The following NUFIP1 variants were observed in gnomAD, a reference collection of about 807,000 sequenced individuals.
NUFIP1 encodes the protein FMR1-interacting protein NUFIP1.
A neutral mutation model predicts 56.2 loss-of-function variants in NUFIP1; 38 were observed. The ratio of observed to expected loss-of-function variants is 0.68; its 90% CI spans 0.52 to 0.89. The LOEUF is 0.89. Among genes scored for constraint, NUFIP1 ranks in the 40% least tolerant of loss-of-function variants. NUFIP1 has a pLI of 0.00. For missense variants in NUFIP1, 567 were observed against 605.8 expected, an observed-to-expected ratio of 0.94 and a Z score of 0.67; for synonymous variants, 215 against 212.4, an observed-to-expected ratio of 1.01 and a Z score of -0.10.
Position 44,950,825 on chromosome 13 carries a change from C to T in NUFIP1, c.1022-987G>A, listed in dbSNP as rs141215410. ...TTACATTTCTTTTTGGCAGCTCTAACAATCTAGTAACTCTATTCTAGACAA... is the reference window on the plus strand; with the variant it reads ...TTACATTTCTTTTTGGCAGCTCTAATAATCTAGTAACTCTATTCTAGACAA... On this transcript the variant is annotated intron_variant, in intron 7 of 9. Transcript: ENST00000379161. Among the ~76,000 whole-genome samples, 432 of 152,298 alleles carry T rather than the reference C, an allele frequency of 2.8e-3. 3 individuals are homozygous for T. The South Asian group carries it at 0.03, about 11-fold the overall frequency.
intron 1 of NUFIP1, among the ~76,000 whole-genome samples, chr13:44,984,242 T>C (rs1488354569): frequency 1.3e-5 from 2 of 152,226 alleles, no homozygotes; most frequent in Non-Finnish European, 2.9e-5. Context: ...AAATCAGCTA[T>C]TATATGCCTC....
Position 44,979,214 on chromosome 13 carries a change from G to A in NUFIP1, c.710C>T (p.Ala237Val). ...CTTCCTTCTTTCTTCCCTCCACCGT[G>A]CAATTTCCTCTGGAGTGTCTAACTT... is the stretch of plus-strand genomic sequence containing the variant. ...KIKLDTPEEI[A>V]RWREERRKNY... The change falls in exon 5 of 10, where the codon GCA becomes GTA. Residue 237 changes from alanine to valine, a missense_variant. Physicochemically the swap from Ala to Val is moderately conservative, Grantham distance 64. Transcript: ENST00000379161. 6.2e-7 allele frequency: 1 copy of A among 1,613,258 alleles called. No homozygotes were observed. Among genetic ancestry groups the A allele is most frequent in the Non-Finnish European group, 8.5e-7 (1 of 1,179,636 alleles).
chr13:44,965,554 C>T lies in NUFIP1; in HGVS notation c.827+290G>A, dbSNP rs374506831. 3.9e-5 allele frequency among the ~76,000 whole-genome samples: 6 copies of T among 152,160 alleles called. No homozygotes were observed. The East Asian group carries it at 9.7e-4, about 24-fold the overall frequency. On this transcript the variant is annotated intron_variant, in intron 6 of 9. Transcript: ENST00000379161. ...ACTAAAAATACAAAAATTAGCTGGG[C>T]GTGGTGGCGCACGCCTGTAGTCCCA...
intron 7 of NUFIP1, among the ~76,000 whole-genome samples, chr13:44,953,313 C>T (rs1871136587): frequency 1.3e-5 from 2 of 151,982 alleles, no homozygotes; most frequent in Non-Finnish European, 2.9e-5. Context: ...GAGGCTATAA[C>T]AAATATTGTT....
intron 8 of NUFIP1, 77 bp from the exon 9 acceptor site, chr13:44,943,751 A>T: frequency 1.0e-6 from 1 of 975,670 alleles, no homozygotes; most frequent in Non-Finnish European, 1.6e-6. Context: ...GCAACCAACA[A>T]ATCCATAATA....
At chr13:44,981,121 T>C (rs1321161571) in intron 2 of NUFIP1, among the ~76,000 whole-genome samples, 3 of 152,156 alleles carry the variant, frequency 2.0e-5, no homozygotes, top group Non-Finnish European at 4.4e-5. Flanking sequence ...GTACAGAATA[T>C]GTTGAAATGA....
chr13:44,971,689 T>C (rs1871809178), intron 5 of NUFIP1, among the ~76,000 whole-genome samples: 3 of 152,216 alleles, frequency 2.0e-5, no homozygotes, highest in Non-Finnish European at 4.4e-5. Flanking sequence ...TATCTCCTGG[T>C]TGGAAATAAA....
intron 5 of NUFIP1, among the ~76,000 whole-genome samples, chr13:44,969,463 A>G (rs1871728165): frequency 6.6e-6 from 1 of 152,222 alleles, no homozygotes; most frequent in South Asian, 2.1e-4. Context: ...TGTAAAGCTT[A>G]GTCCAATATC....
At chr13:44,980,446 TAGAGG>T (rs1318435693) in intron 3 of NUFIP1, among the ~76,000 whole-genome samples, 2 of 152,246 alleles carry the variant, frequency 1.3e-5, no homozygotes, top group Non-Finnish European at 2.9e-5. Context: ...ACAAGGTAAC[TAGAGG>T]AGAGGACAGC....
At chr13:44,957,268 A>G (rs1871277140) in intron 7 of NUFIP1, among the ~76,000 whole-genome samples, 1 of 152,044 alleles carries the variant, frequency 6.6e-6, no homozygotes, top group African/African-American at 2.4e-5. Flanking sequence ...CTGGAGCGCA[A>G]TGGTGTGATC....
Position 44,965,848 on chromosome 13 carries a change from A to G in NUFIP1, c.823T>C (p.Tyr275His), listed in dbSNP as rs768757507. 1 of 1,577,236 alleles carries G rather than the reference A, an allele frequency of 6.3e-7. No individual in the cohort carries two copies. Among genetic ancestry groups the G allele is most frequent in the Non-Finnish European group, 8.6e-7 (1 of 1,160,784 alleles). Reference protein sequence around the residue: ...KRGAVLTTTQYGKMKGMSRHS... With the variant: ...KRGAVLTTTQHGKMKGMSRHS... ...TCATAAGCATAAGGAGCTTACCCAT[A>G]TTGTGTTGTTGTCAATACTGCTCCT... The change falls in exon 6 of 10, where the codon TAT becomes CAT. Residue 275 changes from tyrosine (Y) to histidine (H), a missense_variant. By Grantham distance (83) the Tyr-to-His change is moderately conservative. Coordinates refer to ENST00000379161, the MANE Select transcript of NUFIP1 (RefSeq NM_012345.3).
At chr13:44,943,322 G>A (rs1870805276) in intron 9 of NUFIP1, 120 bp downstream of exon 9, 1 of 783,688 alleles carries the variant, frequency 1.3e-6, no homozygotes, top group Non-Finnish European at 2.1e-6. Context: ...AGTCTCCAAG[G>A]TCAATGTGTC....
chr13:44,983,164 CTTATT>C (rs564186428), intron 1 of NUFIP1, among the ~76,000 whole-genome samples: 121 of 151,950 alleles, frequency 8.0e-4, no homozygotes, highest in African/African-American at 2.8e-3. Context: ...GACCCTGTCT[CTTATT>C]TTATTTTATT....
At chr13:44,948,671 T>G (rs1870974545) in intron 8 of NUFIP1, among the ~76,000 whole-genome samples, 1 of 152,156 alleles carries the variant, frequency 6.6e-6, no homozygotes, top group African/African-American at 2.4e-5. Flanking sequence ...GATATAAACC[T>G]TGGATTAAAA....
intron 1 of NUFIP1, among the ~76,000 whole-genome samples, chr13:44,987,561 A>G (rs1352797724): frequency 6.6e-6 from 1 of 152,072 alleles, no homozygotes; most frequent in Admixed American, 6.5e-5. Context: ...AGGAAAACAT[A>G]CTTTTACATG....
At chr13:44,978,917 C>T (rs1686671211) in intron 5 of NUFIP1, among the ~76,000 whole-genome samples, 1 of 152,074 alleles carries the variant, frequency 6.6e-6, no homozygotes, top group African/African-American at 2.4e-5. Context: ...GAGTACCCAC[C>T]CATTATTGCC....
At chr13:44,945,058 TGAC>T (rs1870864638) in intron 8 of NUFIP1, among the ~76,000 whole-genome samples, 1 of 151,812 alleles carries the variant, frequency 6.6e-6, no homozygotes, top group African/African-American at 2.4e-5. Flanking sequence ...TGAAAATCAA[TGAC>T]AACAGAGAAA....
At position 44,946,265 on chromosome 13, in the gene NUFIP1, T is replaced by TATC. The variant is rs200060313; in HGVS notation, c.1139-2594_1139-2592dup. 4.3e-3 allele frequency among the ~76,000 whole-genome samples: 651 copies of TATC among 152,268 alleles called. 2 individuals are homozygous for TATC. Among genetic ancestry groups the TATC allele is most frequent in the African/African-American group, 0.015 (603 of 41,570 alleles). ...AGATTTACAACATTTCCCAGATAAG[T>TATC]ATCATATATTAATGTAATGTTCACC... On this transcript the variant is annotated intron_variant, in intron 8 of 9. Transcript: ENST00000379161.
chr13:44,942,473 C>G (rs1199030444), intron 9 of NUFIP1, among the ~76,000 whole-genome samples: 1 of 152,122 alleles, frequency 6.6e-6, no homozygotes, highest in Admixed American at 6.5e-5. Flanking sequence ...TATTTCAGAT[C>G]CATTTTAATA....
Sources: allele counts gnomAD v4.1 joint callset (sites outside exome capture counted in the v4.1 genomes callset), GRCh38; gene constraint gnomAD v4.1.1; transcripts MANE v1.5; gene names NCBI Gene and HGNC (gene_info 2026-07-23, HGNC 2026-07-21).